Variants in AJAP1 observed in about 807,000 individuals in gnomAD.
AJAP1 encodes adherens junctions associated protein 1, also known as adherens junction-associated protein 1.
In AJAP1, 5 loss-of-function variants were observed where a neutral mutation model predicts 35.0. The ratio of observed to expected loss-of-function variants is 0.14; its 90% CI spans 0.07 to 0.30. The LOEUF (loss-of-function observed/expected upper bound fraction) is 0.30, where lower values mean the gene tolerates loss of function less well. AJAP1 is among the 10% of genes least tolerant of loss of function. AJAP1 has a pLI of 1.00. For missense variants in AJAP1, 586 were observed against 571.0 expected, an observed-to-expected ratio of 1.03 and a Z score of -0.27; for synonymous variants, 284 against 249.3, an observed-to-expected ratio of 1.14 and a Z score of -1.31.
At chr1:4,771,551 C>T (rs428580) in intron 3 of AJAP1, among the ~76,000 whole-genome samples, 92,551 of 151,976 alleles carry the variant, frequency 0.61, 29,076 homozygotes, top group Middle Eastern at 0.68. Context: ...CCTGTGCTCT[C>T]ATCATAGAAG....
chr1:4,719,125 A>G (rs1640461986), intron 2 of AJAP1, among the ~76,000 whole-genome samples: 2 of 152,214 alleles, frequency 1.3e-5, no homozygotes, highest in African/African-American at 4.8e-5. Context: ...TTCTGAGTGT[A>G]GAGATTAAAT....
At chr1:4,682,556 T>C (rs1314171629) in intron 1 of AJAP1, among the ~76,000 whole-genome samples, 1 of 152,230 alleles carries the variant, frequency 6.6e-6, no homozygotes, top group Non-Finnish European at 1.5e-5. Flanking sequence ...TGCTCTTTCC[T>C]GAGTGGTGAT....
In AJAP1 at chr1:4,790,916, T is replaced by TTTTGTG. The variant is rs5772182; in HGVS notation, c.*8434_*8435insGTGTTT. 1 of 149,094 alleles carries TTTTGTG rather than the reference T, an allele frequency of 6.7e-6. No individual in the cohort carries two copies. The highest frequency in any genetic ancestry group is 1.5e-5 in the Non-Finnish European group (1 of 67,386). 9.2% of individuals were successfully genotyped at this position (149,094 alleles called of 1,614,324 possible). A position where few individuals can be genotyped will look rare whatever the true frequency, so the allele number is the denominator to read the frequency against. ...CTGGTCTTCTCAGAAGTGTTTCTGT[T>TTTTGTG]TTTTTGTTTTTGTTTTTGTTTTTGT... On this transcript the variant is annotated 3_prime_UTR_variant, in exon 6 of 6. Coordinates refer to ENST00000378191, the MANE Select transcript of AJAP1 (RefSeq NM_018836.4).
chr1:4,663,011 C>T (rs1234810337), intron 1 of AJAP1, among the ~76,000 whole-genome samples: 2 of 152,156 alleles, frequency 1.3e-5, no homozygotes, highest in Non-Finnish European at 2.9e-5. Context: ...CTTCAGGGGG[C>T]TTCCAGGGAA....
At chr1:4,706,465 C>T (rs768442684) in intron 1 of AJAP1, among the ~76,000 whole-genome samples, 13 of 152,214 alleles carry the variant, frequency 8.5e-5, no homozygotes, top group Non-Finnish European at 1.6e-4. Context: ...TCCTGGGCCC[C>T]AGAGCCAGTA....
At chr1:4,686,057 C>T (rs1404106902) in intron 1 of AJAP1, among the ~76,000 whole-genome samples, 2 of 152,094 alleles carry the variant, frequency 1.3e-5, no homozygotes, top group African/African-American at 4.8e-5. Flanking sequence ...TGTTTCTTCT[C>T]CTCGGAGGTT....
chr1:4,686,319 G>C (rs1639603978), intron 1 of AJAP1, among the ~76,000 whole-genome samples: 1 of 152,124 alleles, frequency 6.6e-6, no homozygotes. Context: ...AATCAAGGTG[G>C]GATGAGCTGG....
At chr1:4,763,318 C>T (rs184455157) in intron 2 of AJAP1, among the ~76,000 whole-genome samples, 1 of 152,344 alleles carries the variant, frequency 6.6e-6, no homozygotes, top group Non-Finnish European at 1.5e-5. Flanking sequence ...TGTGACCAAG[C>T]CGAGTCCTGT....
chr1:4,677,937 T>G (rs1639397333), intron 1 of AJAP1, among the ~76,000 whole-genome samples: 1 of 152,198 alleles, frequency 6.6e-6, no homozygotes, highest in Non-Finnish European at 1.5e-5. Flanking sequence ...GGAGTGCTTG[T>G]TATGTTCATG....
rs1281998911 is a variant in AJAP1 at position 4,786,225 on chromosome 1, T to G, written c.*3740T>G. 1 of 152,152 alleles carries G rather than the reference T, an allele frequency of 6.6e-6. No individual in the cohort carries two copies. The highest frequency in any genetic ancestry group is 1.5e-5 in the Non-Finnish European group (1 of 68,042). The allele number at this position is 152,152 out of a possible 1,614,324, so 9.4% of individuals were successfully genotyped here. Reference sequence around the variant, plus strand: ...TAGTGTTCCTATTTACTGCCCTCCTTGCACACAGAAGGGAGAGGCCACTTA... The same window carrying G: ...TAGTGTTCCTATTTACTGCCCTCCTGGCACACAGAAGGGAGAGGCCACTTA... On this transcript the variant is annotated 3_prime_UTR_variant, in exon 6 of 6. Transcript: ENST00000378191.
In AJAP1 at chr1:4,782,800, G is replaced by A. The variant is rs1225008666; in HGVS notation, c.*315G>A. On this transcript the variant is annotated 3_prime_UTR_variant, in exon 6 of 6. Transcript: ENST00000378191. This position sits in a 1 kb window ranked among gnomAD's most constrained non-coding sequence, Gnocchi z 5.3. Reference sequence around the variant, plus strand: ...GAAAGAAAGGAACCAGAGGCAGAGAGACGAGGATACCCAGCGAAAGGGACG... The same window carrying A: ...GAAAGAAAGGAACCAGAGGCAGAGAAACGAGGATACCCAGCGAAAGGGACG... 2 of 398,568 alleles carry A rather than the reference G, an allele frequency of 5.0e-6. No homozygotes were observed. Among genetic ancestry groups the A allele is most frequent in the Non-Finnish European group, 8.8e-6 (2 of 226,098 alleles). 24.7% of individuals were successfully genotyped at this position (398,568 alleles called of 1,614,324 possible).
chr1:4,771,920 C>T (rs1641843506), intron 3 of AJAP1, among the ~76,000 whole-genome samples: 1 of 152,112 alleles, frequency 6.6e-6, no homozygotes, highest in Non-Finnish European at 1.5e-5. Context: ...GAAGGACCCA[C>T]CACAGCTTTT....
At chr1:4,701,008 C>T (rs1446271027) in intron 1 of AJAP1, among the ~76,000 whole-genome samples, 1 of 152,224 alleles carries the variant, frequency 6.6e-6, no homozygotes, top group Non-Finnish European at 1.5e-5. Flanking sequence ...ACCGTCCTGC[C>T]CACACACTGC....
chr1:4,720,681 T>G lies in AJAP1; in HGVS notation c.829+7982T>G, dbSNP rs1640495695. The stretch of plus-strand genomic sequence containing the variant: ...GCAGCCCCTAGAGTTGAGTCAGGTC[T>G]TAAAAGATGCACGAAGCCCACCTCA... On this transcript the variant is annotated intron_variant, in intron 2 of 5. Transcript: ENST00000378191. The surrounding 1 kb of genome is among the most constrained non-coding windows in gnomAD (Gnocchi z 4.4). 6.6e-6 allele frequency among the ~76,000 whole-genome samples: 1 copy of G among 152,234 alleles called. No individual in the cohort carries two copies. Among genetic ancestry groups the G allele is most frequent in the African/African-American group, 2.4e-5 (1 of 41,468 alleles).
rs531556558 is a variant in AJAP1, at chr1:4,723,759, G to A, written c.829+11060G>A. 2.0e-5 allele frequency among the ~76,000 whole-genome samples: 3 copies of A among 152,256 alleles called. No homozygotes were observed. The highest frequency in any genetic ancestry group is 4.4e-5 in the Non-Finnish European group (3 of 68,028). On this transcript the variant is annotated intron_variant, in intron 2 of 5. Coordinates refer to ENST00000378191, the MANE Select transcript of AJAP1 (RefSeq NM_018836.4). This position sits in a 1 kb window ranked among gnomAD's most constrained non-coding sequence, Gnocchi z 4.3. ...TAGTTGGAGGACTATGGAGGTGGAC[G>A]AGGATTTTGGTTGTTCTGTTTCGTT...
rs781008897 is a variant in AJAP1 at position 4,712,085 on chromosome 1, C to T, written c.215C>T (p.Ala72Val). 2 of 1,563,882 alleles carry T rather than the reference C, an allele frequency of 1.3e-6. No homozygotes were observed. Among genetic ancestry groups the T allele is most frequent in the Non-Finnish European group, 1.7e-6 (2 of 1,161,366 alleles). ...TGGAGTTTTAGGAGTGGACAGCCAG[C>T]GCGGGTCCCGGCCCCGGTGTGGAGC... ...RLWSFRSGQP[A>V]RVPAPVWSPR... The change falls in exon 2 of 6, where the codon GCG (alanine) becomes GTG (valine). Residue 72 changes from alanine (A) to valine (V), a missense_variant. Physicochemically the swap from Ala to Val is moderately conservative, Grantham distance 64. Transcript: ENST00000378191.
In AJAP1 at chr1:4,748,747, CAAAAA is replaced by C. The variant is rs70955802; in HGVS notation, c.830-21083_830-21079del. Among the ~76,000 whole-genome samples, 967 of 98,132 alleles carry C rather than the reference CAAAAA, an allele frequency of 9.9e-3. 7 individuals carry two copies. The highest frequency in any genetic ancestry group is 0.029 in the African/African-American group (729 of 25,496). The allele number at this position is 98,132 out of a possible 152,430, so 64.4% of individuals were successfully genotyped here. On this transcript the variant is annotated intron_variant, in intron 2 of 5. Transcript: ENST00000378191. ...TGGGTGACAGAGTGAGACTCTGTCT[CAAAAA>C]AAAAAAAAAAAAAAAAAAAAAAGAA...
At chr1:4,746,875 G>A (rs1459616118) in intron 2 of AJAP1, among the ~76,000 whole-genome samples, 4 of 152,300 alleles carry the variant, frequency 2.6e-5, no homozygotes, top group Admixed American at 1.3e-4. Flanking sequence ...CTGGTGGTAC[G>A]ACACCTCCTA....
intron 2 of AJAP1, among the ~76,000 whole-genome samples, chr1:4,752,484 G>C (rs1641341958): frequency 6.6e-6 from 1 of 152,010 alleles, no homozygotes; most frequent in South Asian, 2.1e-4. Context: ...GCAATCTTAC[G>C]AGCTATGGGG....
Sources: gnomAD v4.1 joint callset for allele counts (sites outside exome capture counted in the v4.1 genomes callset) on GRCh38, gnomAD v4.1.1 for gene constraint, Gnocchi (gnomAD v3.1) non-coding constraint, MANE v1.5 for transcripts, NCBI Gene and HGNC (gene_info 2026-07-23, HGNC 2026-07-21) for gene names.